The following NCOR1 variants were observed in gnomAD, a reference collection of about 807,000 sequenced individuals.
NCOR1 encodes protein phosphatase 1, regulatory subunit 109.
Under a neutral mutation model 288.1 loss-of-function variants are expected in NCOR1, and 63 were observed. That is an observed-to-expected ratio of 0.22 (90% confidence interval 0.18 to 0.27). The LOEUF (loss-of-function observed/expected upper bound fraction) is 0.27. NCOR1 is among the 10% of genes least tolerant of loss of function. The pLI is 1.00. For synonymous variants in NCOR1, 1,007 were observed against 1,065.9 expected, an observed-to-expected ratio of 0.94 and a Z score of 1.08; for missense variants, 2,397 against 3,019.2, an observed-to-expected ratio of 0.79 and a Z score of 4.83.
chr17:16,211,993 T>C (rs755856292), intron 1 of NCOR1, among the ~76,000 whole-genome samples: 1 of 152,138 alleles, frequency 6.6e-6, no homozygotes, highest in Admixed American at 6.5e-5. Flanking sequence ...AGATAATCTA[T>C]AGGGCCGGGC....
chr17:16,186,709 A>AT, intron 2 of NCOR1, 22 bp from the exon 3 acceptor site: 1 of 1,605,184 alleles, frequency 6.2e-7, no homozygotes, highest in East Asian at 2.2e-5. Context: ...ATAATCATAA[A>AT]TCAATTATTA....
At chr17:16,189,649 A>C (rs750765553) in intron 2 of NCOR1, among the ~76,000 whole-genome samples, 1 of 152,152 alleles carries the variant, frequency 6.6e-6, no homozygotes, top group Non-Finnish European at 1.5e-5. Flanking sequence ...ATAGAACAGC[A>C]TTTCTCTGAA....
chr17:16,197,845 G>A (rs1353777051), intron 1 of NCOR1, among the ~76,000 whole-genome samples: 1 of 151,954 alleles, frequency 6.6e-6, no homozygotes, highest in African/African-American at 2.4e-5. Context: ...ATTATATGTA[G>A]GACTTAAGAA....
At chr17:16,210,001 T>C (rs1021985545) in intron 1 of NCOR1, among the ~76,000 whole-genome samples, 18 of 151,876 alleles carry the variant, frequency 1.2e-4, no homozygotes. Context: ...TATATTAATA[T>C]AACAATTGAA....
At chr17:16,156,863 A>C (rs1422677919) in intron 6 of NCOR1, among the ~76,000 whole-genome samples, 2 of 152,184 alleles carry the variant, frequency 1.3e-5, no homozygotes, top group African/African-American at 4.8e-5. Context: ...CTCAAATCCC[A>C]GTGAGGCAAC....
rs1422512855 is a variant in NCOR1 at position 16,127,383 on chromosome 17, ATG to A, written c.1510-1179_1510-1178del. ...TATATATACATGTATGTATATATGTATGTATATATACATGTGTATATGTGTAT... is the reference window on the plus strand; with the variant it reads ...TATATATACATGTATGTATATATGTATATATATACATGTGTATATGTGTAT... On this transcript the variant is annotated intron_variant, in intron 14 of 45. Coordinates refer to ENST00000268712, the MANE Select transcript of NCOR1 (RefSeq NM_006311.4). Among the ~76,000 whole-genome samples the A allele has an allele frequency of 1.1e-4, 14 of 129,256 alleles. 4 individuals are homozygous for A. Among genetic ancestry groups the A allele is most frequent in the South Asian group, 9.2e-4 (4 of 4,368 alleles). 84.8% of individuals were successfully genotyped at this position (129,256 alleles called of 152,430 possible).
chr17:16,092,078 C>T lies in NCOR1; in HGVS notation c.2821-20G>A, dbSNP rs757724179. The T allele has an allele frequency of 4.0e-5, 65 of 1,609,210 alleles. No individual in the cohort carries two copies. The highest frequency in any genetic ancestry group is 4.5e-5 in the Non-Finnish European group (53 of 1,178,350). ...GGATACCTATAGGAAGAAAATAAAT[C>T]GAAATATGCAAACAACCAATGTAAT... On this transcript the variant is annotated intron_variant, in intron 21 of 45. Coordinates refer to ENST00000268712, the MANE Select transcript of NCOR1 (RefSeq NM_006311.4).
Position 16,184,886 on chromosome 17 carries a change from A to G in NCOR1, c.242+1668T>C, listed in dbSNP as rs533007642. Among the ~76,000 whole-genome samples the G allele has an allele frequency of 4.7e-4, 72 of 151,732 alleles. 1 individual carries two copies. The highest frequency in any genetic ancestry group is 1.6e-3 in the African/African-American group (68 of 41,488). On this transcript the variant is annotated intron_variant, in intron 3 of 45. Transcript: ENST00000268712. ...CACTATGGAATATTATTCAACCCTA[A>G]AAAAAAATGAGATCTTGCCATCCAC...
chr17:16,049,553 T>C (rs755859035), intron 40 of NCOR1, among the ~76,000 whole-genome samples: 2 of 152,192 alleles, frequency 1.3e-5, no homozygotes, highest in East Asian at 1.9e-4. Context: ...TAATATAAGA[T>C]AGACACACTG....
rs564545810 is a variant in NCOR1, at chr17:16,080,744, A to G, written c.3178-17T>C. ...TGGTGTTCCCTAAGAAAAAAACAAA[A>G]AAAAATTTAAAGATTAAGCAAACAT... On this transcript the variant is annotated splice_polypyrimidine_tract_variant and intron_variant, in intron 23 of 45. Coordinates refer to ENST00000268712, the MANE Select transcript of NCOR1 (RefSeq NM_006311.4). 29 of 1,600,220 alleles carry G rather than the reference A, an allele frequency of 1.8e-5. No individual in the cohort carries two copies. The South Asian group carries it at 3.2e-4, about 17-fold the overall frequency.
rs2079529907 is a variant in NCOR1, at chr17:16,155,242, T to C, written c.733-1847A>G. ...GGCATGTGCCTATAATCCCAGCTAC[T>C]TGGGAGGCTGAGGCGGGAGAATCAC... On this transcript the variant is annotated intron_variant, in intron 6 of 45. Transcript: ENST00000268712. Among the ~76,000 whole-genome samples, 4 of 151,774 alleles carry C rather than the reference T, an allele frequency of 2.6e-5. No homozygotes were observed. In the South Asian group the frequency reaches 8.3e-4, roughly 31 times the overall value.
At position 16,108,927 on chromosome 17, in the gene NCOR1, A is replaced by G. The variant is rs772894442; in HGVS notation, c.2056-15T>C. 1.3e-6 allele frequency: 2 copies of G among 1,541,580 alleles called. No individual in the cohort carries two copies. Among genetic ancestry groups the G allele is most frequent in the African/African-American group, 1.4e-5 (1 of 71,726 alleles). The stretch of plus-strand genomic sequence containing the variant: ...TTTCGTGAAGTCTAAAGGAGGAAAG[A>G]GTATTATTTGATTTAAATAACTAAA... On this transcript the variant is annotated splice_polypyrimidine_tract_variant and intron_variant, in intron 18 of 45. Transcript: ENST00000268712.
rs567875844 is a variant in NCOR1, at chr17:16,137,121, A to G, written c.1509+190T>C. On this transcript the variant is annotated intron_variant, in intron 14 of 45. Transcript: ENST00000268712. ...TTATCATAGTAGAAACTTAAAATAT[A>G]TTTGAAATACAAGATTTAATACATT... Among the ~76,000 whole-genome samples, 4 of 152,294 alleles carry G rather than the reference A, an allele frequency of 2.6e-5. No homozygotes were observed. In the South Asian group the frequency reaches 8.3e-4, roughly 32 times the overall value.
chr17:16,056,549 C>G (rs1476259550), intron 40 of NCOR1, among the ~76,000 whole-genome samples: 3 of 152,000 alleles, frequency 2.0e-5, no homozygotes, highest in Non-Finnish European at 4.4e-5. Context: ...CTCCTGACTT[C>G]AGATGATGCA....
At chr17:16,136,955 T>C (rs1245741929) in intron 14 of NCOR1, among the ~76,000 whole-genome samples, 3 of 152,276 alleles carry the variant, frequency 2.0e-5, no homozygotes, top group South Asian at 2.1e-4. Flanking sequence ...TTACTCTACC[T>C]GACCCCTCCT....
intron 31 of NCOR1, among the ~76,000 whole-genome samples, chr17:16,069,755 T>G (rs1175789078): frequency 1.3e-5 from 2 of 152,186 alleles, no homozygotes; most frequent in South Asian, 2.1e-4. Context: ...ACAAAAAAAC[T>G]AAGTAACTCA....
At chr17:16,184,839 T>C (rs2086267341) in intron 3 of NCOR1, among the ~76,000 whole-genome samples, 1 of 151,752 alleles carries the variant, frequency 6.6e-6, no homozygotes, top group Non-Finnish European at 1.5e-5. Flanking sequence ...GAATGAATCA[T>C]AAAGAAACTG....
At chr17:16,075,923 C>T (rs867270909) in intron 26 of NCOR1, among the ~76,000 whole-genome samples, 1 of 152,206 alleles carries the variant, frequency 6.6e-6, no homozygotes, top group African/African-American at 2.4e-5. Flanking sequence ...AAAATTATGA[C>T]ACGTACATTA....
chr17:16,083,056 C>A (rs2063635484), intron 23 of NCOR1, among the ~76,000 whole-genome samples: 1 of 152,090 alleles, frequency 6.6e-6, no homozygotes, highest in Admixed American at 6.5e-5. Flanking sequence ...CATGGTGAAA[C>A]CCCGTCTCTA....
Sources: gnomAD v4.1 joint callset for allele counts (sites outside exome capture counted in the v4.1 genomes callset) on GRCh38, gnomAD v4.1.1 for gene constraint, MANE v1.5 for transcripts, NCBI Gene and HGNC (gene_info 2026-07-23, HGNC 2026-07-21) for gene names.